ABCB7: variants seen among roughly 807,000 people sequenced by gnomAD.
The protein encoded by ABCB7 is ATP binding cassette subfamily B member 7, also known as iron-sulfur clusters transporter ABCB7, mitochondrial.
In ABCB7, 7 loss-of-function variants were observed where a neutral mutation model predicts 54.4. The observed-to-expected ratio is 0.13, with a 90% confidence interval of 0.07 to 0.24. The LOEUF is 0.24. ABCB7 is among the 10% of genes least tolerant of loss of function. The pLI, the probability that ABCB7 is intolerant of heterozygous loss-of-function variation, is 1.00. For missense variants in ABCB7, 356 were observed against 570.4 expected (o/e 0.62, Z 3.83); for synonymous variants, 218 against 207.1 (o/e 1.05, Z -0.45).
intron 1 of ABCB7, among the ~76,000 whole-genome samples, chrX:75,140,668 C>T: frequency 9.0e-6 from 1 of 111,136 alleles, no homozygotes; most frequent in African/African-American, 3.3e-5. Context: ...AATGGATTTT[C>T]CATCTGGAAG....
intron 1 of ABCB7, among the ~76,000 whole-genome samples, chrX:75,143,185 T>C (rs1370859581): frequency 9.0e-6 from 1 of 111,684 alleles, no homozygotes; most frequent in East Asian, 2.8e-4. Flanking sequence ...CTTGAATGCT[T>C]TGCTGCTTAG....
intron 4 of ABCB7, among the ~76,000 whole-genome samples, chrX:75,090,200 C>T (rs1216124041): frequency 9.1e-6 from 1 of 109,673 alleles, no homozygotes; most frequent in Non-Finnish European, 1.9e-5. Flanking sequence ...GAGCAGAATA[C>T]ACATTCTTTT....
At chrX:75,103,402 C>T (rs967632599) in intron 3 of ABCB7, among the ~76,000 whole-genome samples, 1 of 111,007 alleles carries the variant, frequency 9.0e-6, no homozygotes, top group South Asian at 3.8e-4. Context: ...TTCTTGATGC[C>T]TTTGTCGAAA....
At chrX:75,147,743 A>T (rs1208817496) in intron 1 of ABCB7, among the ~76,000 whole-genome samples, 1 of 112,164 alleles carries the variant, frequency 8.9e-6, no homozygotes, top group Non-Finnish European at 1.9e-5. Context: ...CCTGGGTGAT[A>T]AAATAATTTG....
intron 8 of ABCB7, 146 bp downstream of exon 8, chrX:75,073,543 A>G: frequency 2.0e-6 from 1 of 512,287 alleles, no homozygotes; most frequent in African/African-American, 2.3e-5. Flanking sequence ...GTTTCTAAAG[A>G]CAAACAATAA....
intron 3 of ABCB7, among the ~76,000 whole-genome samples, chrX:75,100,146 T>A (rs2081627982): frequency 9.0e-6 from 1 of 110,902 alleles, no homozygotes; most frequent in Admixed American, 9.6e-5. Context: ...ATCTCTTGAA[T>A]CTATTTCTTT....
At chrX:75,056,625 T>C (rs2081242390) in intron 15 of ABCB7, among the ~76,000 whole-genome samples, 1 of 111,637 alleles carries the variant, frequency 9.0e-6, no homozygotes, top group Admixed American at 9.5e-5. Flanking sequence ...GTATACCCAT[T>C]ACTACTGGGT....
chrX:75,127,494 G>A (rs933931360), intron 1 of ABCB7, among the ~76,000 whole-genome samples: 1 of 111,698 alleles, frequency 9.0e-6, no homozygotes, highest in African/African-American at 3.3e-5. Context: ...TTTGAAAACT[G>A]GCACAAGGAC....
At chrX:75,073,081 T>G (rs1472563682) in intron 8 of ABCB7, among the ~76,000 whole-genome samples, 2 of 110,799 alleles carry the variant, frequency 1.8e-5, no homozygotes, top group African/African-American at 3.3e-5. Flanking sequence ...ATAACATGCA[T>G]GGAGCTGTTA....
At chrX:75,153,366 T>A (rs1003178368) in intron 1 of ABCB7, among the ~76,000 whole-genome samples, 2 of 111,778 alleles carry the variant, frequency 1.8e-5, no homozygotes, top group Non-Finnish European at 3.8e-5. Context: ...AGTTTCTTCA[T>A]AGGCATCTTA....
intron 1 of ABCB7, among the ~76,000 whole-genome samples, chrX:75,118,133 A>G (rs1300097186): frequency 8.9e-6 from 1 of 112,097 alleles, no homozygotes; most frequent in Non-Finnish European, 1.9e-5. Flanking sequence ...TGTTCAAGAC[A>G]GCCCAGCAAA....
chrX:75,111,004 T>A (rs1395282418), intron 3 of ABCB7, among the ~76,000 whole-genome samples: 1 of 107,835 alleles, frequency 9.3e-6, no homozygotes, highest in Admixed American at 1.0e-4. Flanking sequence ...ACACTTGTAG[T>A]CCCAGCTACT....
chrX:75,110,116 C>T (rs969455130), intron 3 of ABCB7, among the ~76,000 whole-genome samples: 4 of 111,674 alleles, frequency 3.6e-5, no homozygotes, highest in African/African-American at 1.3e-4. Context: ...AGAACTTATT[C>T]GGTGGTGATT....
chrX:75,102,043 C>T (rs961786514), intron 3 of ABCB7, among the ~76,000 whole-genome samples: 22 of 110,673 alleles, frequency 2.0e-4, no homozygotes, highest in South Asian at 7.6e-4. Context: ...TTTCAGAGTC[C>T]GAGGCACAGT....
At position 75,127,756 on chromosome X, in the gene ABCB7, T is replaced by C. The variant is rs149444060; in HGVS notation, c.169-12925A>G. Among the ~76,000 whole-genome samples the C allele has an allele frequency of 4.6e-3, 516 of 112,086 alleles. 4 individuals are homozygous for C. Among genetic ancestry groups the C allele is most frequent in the African/African-American group, 0.013 (402 of 30,922 alleles). ...AGTGCAAAAATCACAACCATTCCTG[T>C]GCAATCATTCAATGTGCAAAAATCA... On this transcript the variant is annotated intron_variant, in intron 1 of 15. Transcript: ENST00000373394.
chrX:75,075,902 TGGCATTACTGTGGATAAATGTGCAGTGTC>T (rs2081404891), intron 5 of ABCB7, among the ~76,000 whole-genome samples: 1 of 111,884 alleles, frequency 8.9e-6, no homozygotes, highest in Non-Finnish European at 1.9e-5. Flanking sequence ...ATAGCCCACA[TGGCATTACTGTGGATAAATGTGCAGTGTC>T]TGTTGAGGTT....
chrX:75,144,327 CAT>C (rs2082076209), intron 1 of ABCB7, among the ~76,000 whole-genome samples: 1 of 111,956 alleles, frequency 8.9e-6, no homozygotes. Context: ...TACTTAGCCA[CAT>C]GTGGCTATTG....
intron 3 of ABCB7, 79 bp from the exon 4 acceptor site, chrX:75,099,140 A>G: frequency 9.7e-7 from 1 of 1,029,846 alleles, no homozygotes; most frequent in East Asian, 3.3e-5. Flanking sequence ...TAGAATTTAT[A>G]TATTTGAGAA....
At chrX:75,104,069 T>TG (rs2081666898) in intron 3 of ABCB7, among the ~76,000 whole-genome samples, 1 of 73,718 alleles carries the variant, frequency 1.4e-5, no homozygotes, top group African/African-American at 5.5e-5. Context: ...TTTTTTTTTT[T>TG]TTTTTTTTTT....
Sources: allele counts gnomAD v4.1 joint callset (sites outside exome capture counted in the v4.1 genomes callset), GRCh38; gene constraint gnomAD v4.1.1; transcripts MANE v1.5; gene names NCBI Gene and HGNC (gene_info 2026-07-23, HGNC 2026-07-21).